The following PPFIA2 variants were observed in gnomAD, a reference collection of about 807,000 sequenced individuals.
PPFIA2 encodes PPFI scaffold protein A2, also known as liprin-alpha-2.
Under a neutral mutation model 175.5 loss-of-function variants are expected in PPFIA2, and 46 were observed. The observed-to-expected ratio is 0.26, with a 90% CI of 0.21 to 0.34. The LOEUF (loss-of-function observed/expected upper bound fraction) is 0.34, where lower values mean the gene tolerates loss of function less well. Ranked by LOEUF, PPFIA2 falls within the 10% of genes least tolerant of loss-of-function variation. The pLI, the probability that PPFIA2 is intolerant of heterozygous loss-of-function variation, is 1.00. For synonymous variants in PPFIA2, 568 were observed against 511.4 expected, an observed-to-expected ratio of 1.11 and a Z score of -1.49; for missense variants, 1,179 against 1,506.1, an observed-to-expected ratio of 0.78 and a Z score of 3.60.
At chr12:81,519,683 T>TCCTAAAA (rs2062874019) in intron 4 of PPFIA2, among the ~76,000 whole-genome samples, 1 of 152,188 alleles carries the variant, frequency 6.6e-6, no homozygotes, top group African/African-American at 2.4e-5. Context: ...ACTAACATGC[T>TCCTAAAA]CCTAAAACCT....
intron 6 of PPFIA2, 121 bp from the exon 7 acceptor site, chr12:81,440,167 C>CTGT: frequency 1.7e-6 from 1 of 587,580 alleles, no homozygotes; most frequent in African/African-American, 2.0e-5. Context: ...TATTTATATC[C>CTGT]CTGCGTGCTC....
chr12:81,321,678 C>A (rs369916063), intron 22 of PPFIA2, among the ~76,000 whole-genome samples: 1 of 152,106 alleles, frequency 6.6e-6, no homozygotes, highest in Non-Finnish European at 1.5e-5. Flanking sequence ...GGAAATATGG[C>A]TGACAGTTTG....
At chr12:81,385,464 A>T (rs981513253) in intron 8 of PPFIA2, among the ~76,000 whole-genome samples, 3 of 152,218 alleles carry the variant, frequency 2.0e-5, no homozygotes, top group Admixed American at 1.3e-4. Flanking sequence ...CTAAGTGTCT[A>T]TCAACGGATG....
chr12:81,569,913 G>T (rs1403381403), intron 4 of PPFIA2, among the ~76,000 whole-genome samples: 1 of 152,040 alleles, frequency 6.6e-6, no homozygotes, highest in Non-Finnish European at 1.5e-5. Context: ...AGGCAGTGAG[G>T]GCATTTGAAC....
At chr12:81,563,067 G>C (rs1223276002) in intron 4 of PPFIA2, among the ~76,000 whole-genome samples, 1 of 151,970 alleles carries the variant, frequency 6.6e-6, no homozygotes, top group Non-Finnish European at 1.5e-5. Flanking sequence ...TTTGAGGAGT[G>C]AATGTCTCCA....
intron 4 of PPFIA2, among the ~76,000 whole-genome samples, chr12:81,642,728 C>CACGTGT (rs1555549508): frequency 0.089 from 1,003 of 11,318 alleles, 369 homozygotes; most frequent in African/African-American, 0.12. Context: ...TATATACATA[C>CACGTGT]ATGTATATGT....
chr12:81,375,593 T>C, intron 10 of PPFIA2: 1 of 593,350 alleles, frequency 1.7e-6, no homozygotes, highest in African/African-American at 1.9e-5. Flanking sequence ...AGTCATTATT[T>C]GTATTACTAT....
chr12:81,716,472 A>G (rs2078629342), intron 3 of PPFIA2, among the ~76,000 whole-genome samples: 1 of 151,720 alleles, frequency 6.6e-6, no homozygotes, highest in Admixed American at 6.6e-5. Flanking sequence ...TAAAATATCA[A>G]GTATAATCCA....
chr12:81,344,567 G>GT (rs1169000829), intron 19 of PPFIA2, 97 bp downstream of exon 19: 1 of 873,878 alleles, frequency 1.1e-6, no homozygotes, highest in Non-Finnish European at 1.7e-6. Context: ...ACTTTTTAAT[G>GT]TTTTATCAAC....
chr12:81,390,630 T>A (rs570462881), intron 8 of PPFIA2, among the ~76,000 whole-genome samples: 7 of 152,104 alleles, frequency 4.6e-5, no homozygotes, highest in African/African-American at 1.7e-4. Flanking sequence ...TTACATGTAT[T>A]TTTATTGTTG....
intron 4 of PPFIA2, among the ~76,000 whole-genome samples, chr12:81,552,028 AC>A (rs1226491702): frequency 6.6e-6 from 1 of 151,740 alleles, no homozygotes; most frequent in Non-Finnish European, 1.5e-5. Flanking sequence ...AATTTAAAGA[AC>A]TTAATTATTT....
At chr12:81,263,579 T>A (rs560195509) in intron 30 of PPFIA2, among the ~76,000 whole-genome samples, 189 bp from the exon 31 acceptor site, 3 of 152,338 alleles carry the variant, frequency 2.0e-5, no homozygotes, top group African/African-American at 7.2e-5. Context: ...ATTTGATATA[T>A]AAATTTTTAA....
chr12:81,542,470 G>A (rs1450491553), intron 4 of PPFIA2, among the ~76,000 whole-genome samples: 5 of 152,132 alleles, frequency 3.3e-5, no homozygotes. Context: ...TAGATACGTA[G>A]AAGTTTTTAT....
intron 3 of PPFIA2, among the ~76,000 whole-genome samples, chr12:81,744,423 T>TC (rs1285249522): frequency 1.7e-4 from 25 of 148,882 alleles, no homozygotes; most frequent in African/African-American, 6.1e-4. Context: ...ATGCTTTCTT[T>TC]TTTTTTTTTT....
At chr12:81,441,965 C>T (rs931840079) in intron 6 of PPFIA2, among the ~76,000 whole-genome samples, 2 of 152,018 alleles carry the variant, frequency 1.3e-5, no homozygotes, top group South Asian at 2.1e-4. Context: ...AAAAGTCATT[C>T]GCATAATATA....
chr12:81,499,936 T>C (rs1165952315), intron 4 of PPFIA2, among the ~76,000 whole-genome samples: 2 of 152,142 alleles, frequency 1.3e-5, no homozygotes, highest in Non-Finnish European at 2.9e-5. Context: ...AACGCCACTC[T>C]TCCAACACTC....
chr12:81,347,326 T>A lies in PPFIA2; in HGVS notation c.2232+207A>T, dbSNP rs77971442. Among the ~76,000 whole-genome samples, 231 of 152,300 alleles carry A rather than the reference T, an allele frequency of 1.5e-3. 4 individuals are homozygous for A. In the East Asian group the frequency reaches 0.028, roughly 18 times the overall value. ...ACTTACTATTTGACCCTTAGAAAGT[T>A]ACAGCACCTGTGTGGGTTACCATTT... On this transcript the variant is annotated intron_variant, in intron 18 of 32. Transcript: ENST00000549396.
At chr12:81,463,105 T>C (rs530572120) in intron 4 of PPFIA2, among the ~76,000 whole-genome samples, 1 of 152,202 alleles carries the variant, frequency 6.6e-6, no homozygotes, top group Non-Finnish European at 1.5e-5. Context: ...TATAAAAATG[T>C]ATGATTTAAA....
chr12:81,664,120 C>T (rs1323313950), intron 4 of PPFIA2, among the ~76,000 whole-genome samples: 7 of 152,166 alleles, frequency 4.6e-5, no homozygotes, highest in East Asian at 1.9e-4. Context: ...ATTCAGGACA[C>T]AGGCATGGGC....
Sources: gnomAD v4.1 joint callset for allele counts (sites outside exome capture counted in the v4.1 genomes callset) on GRCh38, gnomAD v4.1.1 for gene constraint, MANE v1.5 for transcripts, NCBI Gene and HGNC (gene_info 2026-07-23, HGNC 2026-07-21) for gene names.